PEX11B: variants seen among roughly 807,000 people sequenced by gnomAD.
PEX11B encodes the protein peroxisomal biogenesis factor 11 beta.
A neutral mutation model predicts 28.2 loss-of-function variants in PEX11B; 18 were observed. The ratio of observed to expected loss-of-function variants is 0.64; its 90% CI spans 0.44 to 0.95. The LOEUF (loss-of-function observed/expected upper bound fraction) is 0.95. PEX11B is among the 40% of genes least tolerant of loss of function. PEX11B has a pLI of 0.00. For missense variants in PEX11B, 305 were observed against 319.8 expected (o/e 0.95, Z 0.35); for synonymous variants, 128 against 128.7 (o/e 0.99, Z 0.04).
chr1:145,912,232 GC>G lies in PEX11B; in HGVS notation c.708del (p.Leu237PhefsTer14). ...AGGATGGAGGACACGAGGCCACAAA[GC>G]CCCACAATCCCAGGGCCACAGCGCC... ...GLWRCGPGIV[G>X]LCGLVSSILS... On this transcript the variant is annotated frameshift_variant, in exon 4 of 4. Coordinates refer to ENST00000369306, the MANE Select transcript of PEX11B (RefSeq NM_003846.3). LOFTEE classifies it high-confidence loss of function. 6.2e-7 allele frequency: 1 copy of G among 1,613,960 alleles called. No homozygotes were observed. Among genetic ancestry groups the G allele is most frequent in the Non-Finnish European group, 8.5e-7 (1 of 1,179,940 alleles).
intron 3 of PEX11B, among the ~76,000 whole-genome samples, chr1:145,913,361 C>G (rs1657891513): frequency 6.6e-6 from 1 of 152,082 alleles, no homozygotes; most frequent in South Asian, 2.1e-4. Context: ...TGTTAATTAG[C>G]TTGACTGTGG....
rs1657832638 is a variant in PEX11B at position 145,912,272 on chromosome 1, GTCCAGA to G, written c.663_668del (p.Leu222_Asp223del). 8 of 1,613,972 alleles carry G rather than the reference GTCCAGA, an allele frequency of 5.0e-6. No individual in the cohort carries two copies. The highest frequency in any genetic ancestry group is 6.8e-6 in the Non-Finnish European group (8 of 1,179,982). Reference sequence around the variant, plus strand: ...GGCCACAGCGCCAGAGGCCTAGTTTGTCCAGAGGAATGAAGAGATCACAGGCATTTC... The same window carrying G: ...GGCCACAGCGCCAGAGGCCTAGTTTGGGAATGAAGAGATCACAGGCATTTC... On this transcript the variant is annotated inframe_deletion, in exon 4 of 4. Transcript: ENST00000369306.
chr1:145,911,515 A>C lies in PEX11B; in HGVS notation c.*646T>G, dbSNP rs1321913246. On this transcript the variant is annotated 3_prime_UTR_variant, in exon 4 of 4. Coordinates refer to ENST00000369306, the MANE Select transcript of PEX11B (RefSeq NM_003846.3). ...CAAAGGAGTAAGAACAGACTGGGGA[A>C]TAAAGCTCTGAAATCAAAGTGTAAG... The C allele has an allele frequency of 6.2e-6, 1 of 160,774 alleles. No individual in the cohort carries two copies. The highest frequency in any genetic ancestry group is 1.4e-5 in the Non-Finnish European group (1 of 71,518). 10.0% of individuals were successfully genotyped at this position (160,774 alleles called of 1,614,324 possible).
chr1:145,916,453 C>G (rs1293949277), intron 3 of PEX11B, among the ~76,000 whole-genome samples: 1 of 152,154 alleles, frequency 6.6e-6, no homozygotes, highest in Admixed American at 6.5e-5. Context: ...TGGGAGCAGG[C>G]ACATTATCTG....
Position 145,917,004 on chromosome 1 carries a change from T to C in PEX11B, c.187A>G (p.Asn63Asp), listed in dbSNP as rs782107631. 1.1e-5 allele frequency: 17 copies of C among 1,610,336 alleles called. No homozygotes were observed. Among genetic ancestry groups the C allele is most frequent in the Non-Finnish European group, 1.4e-5 (17 of 1,176,566 alleles). ...SLGRKLLRLG[N>D]SADALESAKR... ...GCTGACTCAAGGGCATCTGCTGAGT[T>C]ACCCAGGCGTAGAACTTGTGGAGAT... The change falls in exon 3 of 4, where the codon AAC becomes GAC. Residue 63 changes from asparagine (N) to aspartate (D), a missense_variant. Coordinates refer to ENST00000369306, the MANE Select transcript of PEX11B (RefSeq NM_003846.3).
At chr1:145,916,114 T>C (rs782093699) in intron 3 of PEX11B, among the ~76,000 whole-genome samples, 16 of 152,374 alleles carry the variant, frequency 1.1e-4, no homozygotes, top group Admixed American at 2.0e-4. Context: ...AAATTTGAAC[T>C]GATGGACTCA....
At chr1:145,914,409 A>G (rs1354493737) in intron 3 of PEX11B, among the ~76,000 whole-genome samples, 1 of 151,638 alleles carries the variant, frequency 6.6e-6, no homozygotes, top group Non-Finnish European at 1.5e-5. Flanking sequence ...TAAACAAACC[A>G]CAGCTCTCCA....
intron 3 of PEX11B, among the ~76,000 whole-genome samples, chr1:145,913,856 C>T (rs1647229275): frequency 6.6e-6 from 1 of 152,102 alleles, no homozygotes; most frequent in South Asian, 2.1e-4. Context: ...GTGGTCTGTA[C>T]TCAATAACTT....
At chr1:145,913,101 A>AG (rs1657881632) in intron 3 of PEX11B, among the ~76,000 whole-genome samples, 1 of 151,952 alleles carries the variant, frequency 6.6e-6, no homozygotes, top group African/African-American at 2.4e-5. Context: ...AAAAAAAAAA[A>AG]AAGGCTAACT....
intron 3 of PEX11B, among the ~76,000 whole-genome samples, chr1:145,915,560 G>A (rs1312471632): frequency 2.6e-5 from 4 of 151,638 alleles, no homozygotes; most frequent in South Asian, 2.1e-4. Context: ...CCAAGCCAAC[G>A]TCATCTCTTG....
rs782372298 is a variant in PEX11B, at chr1:145,912,454, C to T, written c.487G>A (p.Gly163Arg). The change falls in exon 4 of 4, where the codon GGA becomes AGA. Residue 163 changes from glycine to arginine, a missense_variant. Gly to Arg is a moderately radical substitution (Grantham distance 125). Coordinates refer to ENST00000369306, the MANE Select transcript of PEX11B (RefSeq NM_003846.3). ...CCAGTTTCACTTCCTCCTGGGACTCCTCCTCCAGAACCTTTCAGTCGCCGG... is the reference window on the plus strand; with the variant it reads ...CCAGTTTCACTTCCTCCTGGGACTCTTCCTCCAGAACCTTTCAGTCGCCGG... Reference protein sequence around the residue: ...CSRRLKGSGGGVPGGSETGGL... With the variant: ...CSRRLKGSGGRVPGGSETGGL... 1.3e-6 allele frequency: 2 copies of T among 1,549,314 alleles called. No homozygotes were observed. Among genetic ancestry groups the T allele is most frequent in the Admixed American group, 1.9e-5 (1 of 52,062 alleles).
intron 3 of PEX11B, among the ~76,000 whole-genome samples, 159 bp downstream of exon 3, chr1:145,916,658 A>G (rs782200172): frequency 4.6e-5 from 7 of 152,194 alleles, no homozygotes; most frequent in African/African-American, 7.2e-5. Context: ...CCCATTTGAT[A>G]TTCTCCGATA....
Position 145,918,695 on chromosome 1 carries a change from C to G in PEX11B, c.-7G>C. The G allele has an allele frequency of 6.4e-7, 1 of 1,571,392 alleles. No individual in the cohort carries two copies. ...AGCGGACCCAGGCGTCCATGACAGC[C>G]GCAGCCCAGGCTCCGCGGCCCTGCT... On this transcript the variant is annotated 5_prime_UTR_variant, in exon 1 of 4. Coordinates refer to ENST00000369306, the MANE Select transcript of PEX11B (RefSeq NM_003846.3).
chr1:145,916,742 T>G (rs1647393484), intron 3 of PEX11B, 75 bp downstream of exon 3: 9 of 1,029,158 alleles, frequency 8.7e-6, no homozygotes, highest in Non-Finnish European at 1.4e-5. Flanking sequence ...CTAAGATATC[T>G]TTCCCTCATA....
chr1:145,914,495 AC>A (rs1333661446), intron 3 of PEX11B, among the ~76,000 whole-genome samples: 1 of 152,074 alleles, frequency 6.6e-6, no homozygotes, highest in Admixed American at 6.5e-5. Context: ...TCTGGTCCCT[AC>A]CCCTCTAACT....
intron 3 of PEX11B, among the ~76,000 whole-genome samples, chr1:145,915,460 G>C (rs1034253158): frequency 1.3e-5 from 2 of 151,926 alleles, no homozygotes; most frequent in African/African-American, 4.8e-5. Context: ...ACAATCATAG[G>C]AAAACGAAAA....
At chr1:145,913,701 G>C (rs1553753521) in intron 3 of PEX11B, among the ~76,000 whole-genome samples, 1 of 151,994 alleles carries the variant, frequency 6.6e-6, no homozygotes, top group East Asian at 1.9e-4. Context: ...AGATGTCTCA[G>C]AGACTCAAAC....
Position 145,912,268 on chromosome 1 carries a change from G to A in PEX11B, c.673C>T (p.Leu225=). 2.5e-6 allele frequency: 4 copies of A among 1,614,090 alleles called. No individual in the cohort carries two copies. The highest frequency in any genetic ancestry group is 1.3e-5 in the African/African-American group (1 of 75,028). ...ACDLFIPLDK[L]GLWRCGPGIV... The stretch of plus-strand genomic sequence containing the variant: ...CCAGGGCCACAGCGCCAGAGGCCTA[G>A]TTTGTCCAGAGGAATGAAGAGATCA... The change falls in exon 4 of 4, where the codon CTA becomes TTA. Residue 225 remains leucine (L), a synonymous_variant. Transcript: ENST00000369306.
chr1:145,913,396 C>G (rs1430937861), intron 3 of PEX11B, among the ~76,000 whole-genome samples: 1 of 152,090 alleles, frequency 6.6e-6, no homozygotes, highest in African/African-American at 2.4e-5. Flanking sequence ...CGTACATGTA[C>G]AAACATCGAG....
Sources: allele counts gnomAD v4.1 joint callset (sites outside exome capture counted in the v4.1 genomes callset), GRCh38; gene constraint gnomAD v4.1.1; transcripts MANE v1.5; gene names NCBI Gene and HGNC (gene_info 2026-07-23, HGNC 2026-07-21).